Variants in TTLL9 observed in about 807,000 individuals in gnomAD.
TTLL9 encodes tubulin tyrosine ligase like 9.
TTLL9 carries 47 observed loss-of-function variants against 65.6 expected under a neutral mutation model. That is an observed-to-expected ratio of 0.72 (90% confidence interval 0.57 to 0.91). The LOEUF is 0.91. Ranked by LOEUF, TTLL9 falls within the 40% of genes least tolerant of loss-of-function variation. TTLL9 has a pLI of 0.00. For missense variants in TTLL9, 537 were observed against 568.8 expected (o/e 0.94, Z 0.57); for synonymous variants, 179 against 204.8 (o/e 0.87, Z 1.07).
At chr20:31,903,640 A>T (rs1185451560) in intron 4 of TTLL9, among the ~76,000 whole-genome samples, 1 of 152,152 alleles carries the variant, frequency 6.6e-6, no homozygotes, top group African/African-American at 2.4e-5. Flanking sequence ...TTAATTTTTT[A>T]TATGGTGTGA....
intron 2 of TTLL9, among the ~76,000 whole-genome samples, chr20:31,873,882 AAGAG>A (rs1236459936): frequency 6.8e-6 from 1 of 146,702 alleles, no homozygotes. Context: ...GAAAGAAAGA[AAGAG>A]AAAGAAAACA....
chr20:31,938,850 C>G (rs1341168596), intron 13 of TTLL9, among the ~76,000 whole-genome samples: 1 of 152,134 alleles, frequency 6.6e-6, no homozygotes, highest in Non-Finnish European at 1.5e-5. Flanking sequence ...GCACTCCAGC[C>G]TGGGTGACAG....
intron 10 of TTLL9, among the ~76,000 whole-genome samples, chr20:31,929,603 T>C (rs537736186): frequency 1.2e-4 from 19 of 152,280 alleles, no homozygotes; most frequent in African/African-American, 4.6e-4. Flanking sequence ...TTTTTTTTTT[T>C]CATTAATGAA....
chr20:31,884,208 C>T (rs2063156125), intron 2 of TTLL9: 1 of 402,912 alleles, frequency 2.5e-6, no homozygotes, highest in Non-Finnish European at 4.5e-6. Context: ...TAACTTATTA[C>T]CTTATAGTTA....
Position 31,892,206 on chromosome 20 carries a change from G to T in TTLL9, c.113+4967G>T, listed in dbSNP as rs1267251343. On this transcript the variant is annotated intron_variant, in intron 3 of 14. Coordinates refer to ENST00000535842, the MANE Select transcript of TTLL9 (RefSeq NM_001008409.5). Reference sequence around the variant, plus strand: ...TCTTTTTTTTTTTTTTTGAGACAGGGTCTCACTCTGTCACCCAGGCTGGAG... The same window carrying T: ...TCTTTTTTTTTTTTTTTGAGACAGGTTCTCACTCTGTCACCCAGGCTGGAG... Among the ~76,000 whole-genome samples the T allele has an allele frequency of 2.4e-4, 36 of 150,286 alleles. No homozygotes were observed. The East Asian group carries it at 5.8e-3, about 24-fold the overall frequency.
chr20:31,925,764 T>C (rs2063891635), intron 9 of TTLL9: 1 of 985,218 alleles, frequency 1.0e-6, no homozygotes, highest in Non-Finnish European at 1.5e-6. Context: ...GGGAAAGACA[T>C]AAGGGCACTC....
chr20:31,881,675 G>A (rs1005676667), intron 2 of TTLL9, among the ~76,000 whole-genome samples: 2 of 144,220 alleles, frequency 1.4e-5, no homozygotes, highest in Non-Finnish European at 3.0e-5. Flanking sequence ...GCATGAACAC[G>A]GCTCACTGAA....
intron 2 of TTLL9, among the ~76,000 whole-genome samples, chr20:31,880,837 T>C (rs1404126416): frequency 1.4e-5 from 2 of 147,664 alleles, no homozygotes; most frequent in Non-Finnish European, 1.5e-5. Flanking sequence ...CACCTTCATT[T>C]CTCTTCTTTC....
chr20:31,870,646 C>T lies in TTLL9; in HGVS notation c.-309C>T, dbSNP rs1600497361. On this transcript the variant is annotated 5_prime_UTR_variant, in exon 1 of 15. Coordinates refer to ENST00000535842, the MANE Select transcript of TTLL9 (RefSeq NM_001008409.5). This position sits in a 1 kb window ranked among gnomAD's most constrained non-coding sequence, Gnocchi z 6.6. Reference sequence around the variant, plus strand: ...CGGACAAAGCCCCAGTGTGCCGGGCCCACGGCCCGCGGGACAACGGCAGTT... The same window carrying T: ...CGGACAAAGCCCCAGTGTGCCGGGCTCACGGCCCGCGGGACAACGGCAGTT... 5 of 1,290,160 alleles carry T rather than the reference C, an allele frequency of 3.9e-6. No homozygotes were observed. In the East Asian group the frequency reaches 1.5e-4, roughly 38 times the overall value. 79.9% of individuals were successfully genotyped at this position (1,290,160 alleles called of 1,614,324 possible). A position where few individuals can be genotyped will look rare whatever the true frequency, so the allele number is the denominator to read the frequency against.
intron 5 of TTLL9, 36 bp from the exon 6 acceptor site, chr20:31,909,701 A>C: frequency 6.2e-7 from 1 of 1,602,242 alleles, no homozygotes; most frequent in South Asian, 1.1e-5. Context: ...GGCTGTGAGC[A>C]GGAGCTAATG....
intron 12 of TTLL9, among the ~76,000 whole-genome samples, chr20:31,936,917 G>A (rs966048642): frequency 4.9e-4 from 75 of 151,826 alleles, no homozygotes; most frequent in African/African-American, 1.8e-3. Flanking sequence ...CCAACATGGT[G>A]AAACCCCATC....
intron 9 of TTLL9, 149 bp from the exon 10 acceptor site, chr20:31,925,900 C>T (rs750247237): frequency 5.9e-5 from 92 of 1,551,922 alleles, no homozygotes; most frequent in Middle Eastern, 1.7e-4. Context: ...CTGGCTCTAC[C>T]GGGATGGCTT....
At chr20:31,887,500 G>A (rs901358370) in intron 3 of TTLL9, among the ~76,000 whole-genome samples, 7 of 152,126 alleles carry the variant, frequency 4.6e-5, no homozygotes, top group Non-Finnish European at 8.8e-5. Flanking sequence ...ATGGAGAAAC[G>A]GAAGCTCAAA....
At chr20:31,897,030 A>G (rs1265742306) in intron 3 of TTLL9, among the ~76,000 whole-genome samples, 2 of 152,188 alleles carry the variant, frequency 1.3e-5, no homozygotes, top group African/African-American at 4.8e-5. Flanking sequence ...TCAGGTTAAT[A>G]CTAGCTTGGC....
rs1395563584 is a variant in TTLL9 at position 31,943,608 on chromosome 20, G to C, written c.*587G>C. On this transcript the variant is annotated 3_prime_UTR_variant, in exon 15 of 15. Transcript: ENST00000535842. ...ATCCTCTTCTCCTTGCATGTCAGGG[G>C]AGCCCATGGGGCTCCCTGACCATCA... is the stretch of plus-strand genomic sequence containing the variant. 1 of 386,208 alleles carries C rather than the reference G, an allele frequency of 2.6e-6. No individual in the cohort carries two copies. The highest frequency in any genetic ancestry group is 5.1e-6 in the Non-Finnish European group (1 of 195,578). 23.9% of individuals were successfully genotyped at this position (386,208 alleles called of 1,614,324 possible). A position where few individuals can be genotyped will look rare whatever the true frequency, so the allele number is the denominator to read the frequency against.
intron 6 of TTLL9, among the ~76,000 whole-genome samples, chr20:31,915,208 G>A (rs1169601667): frequency 6.6e-6 from 1 of 152,326 alleles, no homozygotes; most frequent in African/African-American, 2.4e-5. Context: ...TCGGCCGGGC[G>A]CGGTGGCTCA....
intron 2 of TTLL9, chr20:31,872,893 T>C (rs2062958285): frequency 2.2e-6 from 1 of 452,250 alleles, no homozygotes; most frequent in South Asian, 1.6e-5. Context: ...ATGGCCATGA[T>C]TGGGAGTTAA....
intron 3 of TTLL9, among the ~76,000 whole-genome samples, chr20:31,892,941 C>T (rs1013685026): frequency 5.9e-5 from 9 of 152,150 alleles, no homozygotes; most frequent in Admixed American, 6.5e-5. Context: ...ATTACATTCT[C>T]ACTATATTTG....
rs138759505 is a variant in TTLL9, at chr20:31,898,726, A to G, written c.206+161A>G. Among the ~76,000 whole-genome samples, 390 of 152,360 alleles carry G rather than the reference A, an allele frequency of 2.6e-3. 3 individuals carry two copies. Among genetic ancestry groups the G allele is most frequent in the African/African-American group, 9.1e-3 (379 of 41,590 alleles). On this transcript the variant is annotated intron_variant, in intron 4 of 14. Transcript: ENST00000535842. ...ACAATGTGCCAGGCACATTATCACT[A>G]TCATCTCTGTCTTATTTAAGCCTTC...
Sources: gnomAD v4.1 joint callset for allele counts (sites outside exome capture counted in the v4.1 genomes callset) on GRCh38, gnomAD v4.1.1 for gene constraint, Gnocchi (gnomAD v3.1) non-coding constraint, MANE v1.5 for transcripts, NCBI Gene and HGNC (gene_info 2026-07-23, HGNC 2026-07-21) for gene names.